Variants in RBFOX3 observed in about 807,000 individuals in gnomAD.
The protein encoded by RBFOX3 is RNA binding protein fox-1 homolog 3.
In RBFOX3, 17 loss-of-function variants were observed where a neutral mutation model predicts 48.7. That is an observed-to-expected ratio of 0.35 (90% CI 0.24 to 0.52). RBFOX3 has a LOEUF of 0.52. Among genes scored for constraint, RBFOX3 ranks in the 20% least tolerant of loss-of-function variants. The pLI is 0.94. For missense variants in RBFOX3, 382 were observed against 497.5 expected (o/e 0.77, Z 2.21); for synonymous variants, 212 against 209.5 (o/e 1.01, Z -0.10).
chr17:79,339,263 C>T (rs978544163), intron 2 of RBFOX3, among the ~76,000 whole-genome samples: 1 of 152,008 alleles, frequency 6.6e-6, no homozygotes, highest in Non-Finnish European at 1.5e-5. Flanking sequence ...GCTGTGTTGC[C>T]CAGGCTGATC....
intron 4 of RBFOX3, among the ~76,000 whole-genome samples, chr17:79,174,397 C>T (rs1192909321): frequency 1.3e-5 from 2 of 151,728 alleles, no homozygotes; most frequent in Admixed American, 1.3e-4. Context: ...ACAATGTACT[C>T]TCACACTCAG....
chr17:79,642,255 C>T, the RBFOX3 span, among the ~76,000 whole-genome samples: 5 of 152,012 alleles, frequency 3.3e-5, no homozygotes, highest in Admixed American at 6.6e-5. Context: ...CATAAAGGTC[C>T]GGTTATGTGG....
At chr17:79,345,555 T>C (rs906900807) in intron 2 of RBFOX3, among the ~76,000 whole-genome samples, 3 of 152,258 alleles carry the variant, frequency 2.0e-5, no homozygotes, top group African/African-American at 7.2e-5. Context: ...TAGATTTGCA[T>C]TTCCCAGCTG....
chr17:79,178,925 G>C (rs2051217774), intron 4 of RBFOX3, among the ~76,000 whole-genome samples: 2 of 152,228 alleles, frequency 1.3e-5, no homozygotes, highest in African/African-American at 2.4e-5. Flanking sequence ...AGCAATGGAT[G>C]CTGCCGCGGG....
At chr17:79,551,975 G>A in intron 1 of RBFOX3, among the ~76,000 whole-genome samples, 1 of 152,254 alleles carries the variant, frequency 6.6e-6, no homozygotes, top group East Asian at 1.9e-4. Flanking sequence ...CAAAAATTTT[G>A]TTTAAAATGC....
chr17:79,558,516 C>G (rs989127514), intron 1 of RBFOX3, among the ~76,000 whole-genome samples: 15 of 152,194 alleles, frequency 9.9e-5, no homozygotes, highest in African/African-American at 3.1e-4. Context: ...CCCACACTTC[C>G]CGGCTGCCCA....
chr17:79,610,284 G>A (rs1347137238), intron 1 of RBFOX3, among the ~76,000 whole-genome samples: 2 of 151,912 alleles, frequency 1.3e-5, no homozygotes, highest in Non-Finnish European at 2.9e-5. Context: ...CCTGGGTGCC[G>A]CGACAGACGC....
chr17:79,442,362 GGAGAGAGAGA>G (rs1188141711), intron 2 of RBFOX3, among the ~76,000 whole-genome samples: 7 of 7,450 alleles, frequency 9.4e-4, no homozygotes, highest in South Asian at 0.014. Flanking sequence ...GAAGAGGGGG[GGAGAGAGAGA>G]GAGAGAGAGA....
rs373870797 is a variant in RBFOX3, at chr17:79,281,598, G to A, written c.-74+26126C>T. Among the ~76,000 whole-genome samples the A allele has an allele frequency of 1.2e-4, 18 of 152,318 alleles. No individual in the cohort carries two copies. The East Asian group carries it at 2.3e-3, about 20-fold the overall frequency. On this transcript the variant is annotated intron_variant, in intron 3 of 14. Coordinates refer to ENST00000693108, the MANE Select transcript of RBFOX3 (RefSeq NM_001350451.2). ...GTGGGGTGAGCTTGGGTTGGCTCAG[G>A]TTGGCTCTCCTGCCCTTTGGATATT...
intron 2 of RBFOX3, among the ~76,000 whole-genome samples, chr17:79,346,950 G>A (rs372067620): frequency 6.6e-6 from 1 of 152,134 alleles, no homozygotes; most frequent in African/African-American, 2.4e-5. Context: ...AAAAGATTTT[G>A]TGTAGATTTG....
chr17:79,534,554 T>C (rs1222211037), intron 1 of RBFOX3, among the ~76,000 whole-genome samples: 5 of 152,166 alleles, frequency 3.3e-5, no homozygotes, highest in Non-Finnish European at 5.9e-5. Context: ...CTGACATCCT[T>C]TCCAGTCCAG....
Position 79,243,201 on chromosome 17 carries a change from C to T in RBFOX3, c.-73-7396G>A, listed in dbSNP as rs534038485. Among the ~76,000 whole-genome samples the T allele has an allele frequency of 9.8e-4, 11 of 11,170 alleles. No individual in the cohort carries two copies. In the Non-Finnish European group the frequency reaches 0.068, roughly 69 times the overall value. The allele number at this position is 11,170 out of a possible 152,430, so 7.3% of individuals were successfully genotyped here. The stretch of plus-strand genomic sequence containing the variant: ...CTGGTAGCGGTTGCAGCTGAGTTTG[C>T]GCGAGACCCACCTGACCACAACCTT... On this transcript the variant is annotated intron_variant, in intron 3 of 14. Transcript: ENST00000693108. The surrounding 1 kb of genome is among the most constrained non-coding windows in gnomAD (Gnocchi z 7.9).
chr17:79,587,679 C>T (rs1171746987), intron 1 of RBFOX3, among the ~76,000 whole-genome samples: 3 of 152,134 alleles, frequency 2.0e-5, no homozygotes, highest in African/African-American at 4.8e-5. Flanking sequence ...CCACAAGCTT[C>T]GGACCAAGCG....
intron 4 of RBFOX3, among the ~76,000 whole-genome samples, chr17:79,162,516 A>G (rs2047181145): frequency 6.6e-6 from 1 of 152,260 alleles, no homozygotes; most frequent in Non-Finnish European, 1.5e-5. Flanking sequence ...AGGCAGGAGC[A>G]TAATTTTTCC....
intron 2 of RBFOX3, among the ~76,000 whole-genome samples, chr17:79,353,013 G>C (rs753286718): frequency 1.3e-5 from 2 of 152,246 alleles, no homozygotes; most frequent in African/African-American, 4.8e-5. Flanking sequence ...CCTGGAACAG[G>C]AGTGAGGATC....
At chr17:79,163,280 G>A (rs1044801801) in intron 4 of RBFOX3, among the ~76,000 whole-genome samples, 2 of 152,336 alleles carry the variant, frequency 1.3e-5, no homozygotes, top group African/African-American at 2.4e-5. Flanking sequence ...CTCCTGCCCC[G>A]CCTGGGGAAA....
At position 79,329,266 on chromosome 17, in the gene RBFOX3, C is replaced by T. The variant is rs575784891; in HGVS notation, c.-174-21442G>A. Among the ~76,000 whole-genome samples the T allele has an allele frequency of 2.7e-4, 41 of 152,262 alleles. 1 individual carries two copies. In the South Asian group the frequency reaches 3.3e-3, roughly 12 times the overall value. On this transcript the variant is annotated intron_variant, in intron 2 of 14. Transcript: ENST00000693108. ...TGTATGGAAACAAACTCCCTTCCCA[C>T]GCCATTATTACCATCATCATCTTCA...
intron 2 of RBFOX3, among the ~76,000 whole-genome samples, chr17:79,454,042 T>A (rs1293668999): frequency 1.3e-5 from 2 of 152,054 alleles, no homozygotes; most frequent in African/African-American, 2.4e-5. Context: ...GGAAATGCGC[T>A]CTGACAAGGG....
chr17:79,412,345 TGTG>T (rs2064525938), intron 2 of RBFOX3, among the ~76,000 whole-genome samples: 1 of 151,328 alleles, frequency 6.6e-6, no homozygotes, highest in African/African-American at 2.4e-5. Context: ...ATGCACATGT[TGTG>T]ATATGTGTGG....
Sources: gnomAD v4.1 joint callset for allele counts (sites outside exome capture counted in the v4.1 genomes callset) on GRCh38, gnomAD v4.1.1 for gene constraint, Gnocchi (gnomAD v3.1) non-coding constraint, MANE v1.5 for transcripts, NCBI Gene and HGNC (gene_info 2026-07-23, HGNC 2026-07-21) for gene names.